Variants in ZNF483 observed in about 807,000 individuals in gnomAD.
The protein encoded by ZNF483 is zinc finger protein 483, also known as zinc finger protein HIT-10.
A neutral mutation model predicts 28.6 loss-of-function variants in ZNF483; 9 were observed. The observed-to-expected ratio is 0.32, with a 90% CI of 0.19 to 0.55. The LOEUF (loss-of-function observed/expected upper bound fraction) is 0.55. Ranked by LOEUF, ZNF483 falls within the 20% of genes least tolerant of loss-of-function variation. The pLI is 0.93. For missense variants in ZNF483, 675 were observed against 871.7 expected, an observed-to-expected ratio of 0.77 and a Z score of 2.84; for synonymous variants, 322 against 306.2, an observed-to-expected ratio of 1.05 and a Z score of -0.54.
At chr9:111,568,184 G>C (rs977363506) in intron 5 of ZNF483, among the ~76,000 whole-genome samples, 2 of 152,172 alleles carry the variant, frequency 1.3e-5, no homozygotes, top group Non-Finnish European at 2.9e-5. Flanking sequence ...TTGTTGCAGA[G>C]AGCCTATAAA....
chr9:111,541,088 C>CTT lies in ZNF483; in HGVS notation c.722-551_722-550dup, dbSNP rs747551274. ...GGATATAGGGACAATAAGTTTGAAC[C>CTT]TTTTTTTTTTTTTTTTTTTGAGACA... On this transcript the variant is annotated intron_variant, in intron 5 of 5. Coordinates refer to ENST00000309235, the MANE Select transcript of ZNF483 (RefSeq NM_133464.5). 1.8e-3 allele frequency among the ~76,000 whole-genome samples: 226 copies of CTT among 128,136 alleles called. 2 individuals are homozygous for CTT. The highest frequency in any genetic ancestry group is 4.6e-3 in the African/African-American group (157 of 33,776). 84.1% of individuals were successfully genotyped at this position (128,136 alleles called of 152,430 possible).
At position 111,542,150 on chromosome 9, in the gene ZNF483, T is replaced by A; in HGVS notation, c.1215T>A (p.Leu405=). 6.2e-7 allele frequency: 1 copy of A among 1,614,108 alleles called. No homozygotes were observed. The highest frequency in any genetic ancestry group is 8.5e-7 in the Non-Finnish European group (1 of 1,180,022). The change falls in exon 6 of 6, where the codon CTT becomes CTA. Residue 405 remains leucine, a synonymous_variant. Transcript: ENST00000309235. The surrounding 1 kb of genome is among the most constrained non-coding windows in gnomAD (Gnocchi z 6.2). ...CGIIFIRRST[L]SRRKTPMCEK... ...TAATCTTTATTAGAAGATCAACTCT[T>A]TCTAGGAGAAAAACCCCTATGTGTG...
At chr9:111,535,832 A>T (rs1827481014) in intron 5 of ZNF483, among the ~76,000 whole-genome samples, 1 of 151,802 alleles carries the variant, frequency 6.6e-6, no homozygotes, top group Non-Finnish European at 1.5e-5. Flanking sequence ...GGCATGAGCC[A>T]CCGTGCCCGG....
chr9:111,537,895 G>C (rs796877170), intron 5 of ZNF483, among the ~76,000 whole-genome samples: 1 of 152,154 alleles, frequency 6.6e-6, no homozygotes, highest in Non-Finnish European at 1.5e-5. Context: ...CCAAAGTGGT[G>C]GGATTATGGG....
rs143921386 is a variant in ZNF483, at chr9:111,540,547, G to A, written c.722-1110G>A. 3.6e-3 allele frequency among the ~76,000 whole-genome samples: 542 copies of A among 152,290 alleles called. 2 individuals are homozygous for A. The highest frequency in any genetic ancestry group is 0.013 in the African/African-American group (525 of 41,564). On this transcript the variant is annotated intron_variant, in intron 5 of 5. Coordinates refer to ENST00000309235, the MANE Select transcript of ZNF483 (RefSeq NM_133464.5). ...TTATGTTTGTGATAGTGAGGGTGCT[G>A]TGGGAATGCATTCTATGTAGTAGGA... is the stretch of plus-strand genomic sequence containing the variant.
rs111820702 is a variant in ZNF483 at position 111,544,348 on chromosome 9, ATG to A, written c.*1202_*1203del. The A allele has an allele frequency of 0.069, 65,777 of 948,822 alleles. 1,740 individuals carry two copies. Among genetic ancestry groups the A allele is most frequent in the East Asian group, 0.26 (2,234 of 8,544 alleles). 58.8% of individuals were successfully genotyped at this position (948,822 alleles called of 1,614,324 possible). On this transcript the variant is annotated 3_prime_UTR_variant, in exon 6 of 6. Coordinates refer to ENST00000309235, the MANE Select transcript of ZNF483 (RefSeq NM_133464.5). The stretch of plus-strand genomic sequence containing the variant: ...TAACAATTTGCTTGGGTGTGTGTGC[ATG>A]TGTGTGTGTGTGTGTGTGTGTGTAT...
chr9:111,559,590 ACACACACT>A (rs1047473549), downstream of ZNF483, among the ~76,000 whole-genome samples: 1 of 151,830 alleles, frequency 6.6e-6, no homozygotes, highest in Non-Finnish European at 1.5e-5. Context: ...GTGTCCACAC[ACACACACT>A]CACACACACA....
chr9:111,558,201 G>C (rs1205458033), downstream of ZNF483, among the ~76,000 whole-genome samples: 2 of 152,134 alleles, frequency 1.3e-5, no homozygotes, highest in African/African-American at 4.8e-5. Context: ...AGTGTATTCA[G>C]GTATTTGTCT....
intron 5 of ZNF483, among the ~76,000 whole-genome samples, chr9:111,566,429 G>A (rs1361250017): frequency 6.6e-6 from 1 of 152,214 alleles, no homozygotes; most frequent in Non-Finnish European, 1.5e-5. Context: ...CCAAGCTCCA[G>A]TGGCTGCTGG....
intron 3 of ZNF483, among the ~76,000 whole-genome samples, chr9:111,531,826 C>T (rs920249195): frequency 3.9e-5 from 6 of 152,296 alleles, no homozygotes; most frequent in South Asian, 2.1e-4. Context: ...GGACAACTGG[C>T]GCACGCCACT....
intron 2 of ZNF483, among the ~76,000 whole-genome samples, chr9:111,528,777 C>T (rs912449855): frequency 1.3e-5 from 2 of 152,158 alleles, no homozygotes; most frequent in African/African-American, 4.8e-5. Context: ...GGTTTCCTGA[C>T]TCCTCTGTGA....
At position 111,554,641 on chromosome 9, in the gene ZNF483, G is replaced by A. The variant is rs1017749742; in HGVS notation, c.*11471G>A. Among the ~76,000 whole-genome samples, 1 of 151,692 alleles carries A rather than the reference G, an allele frequency of 6.6e-6. No individual in the cohort carries two copies. Among genetic ancestry groups the A allele is most frequent in the African/African-American group, 2.4e-5 (1 of 41,230 alleles). ...TAGTGTAGATGACATGGATATGCTG[G>A]ACAAAGGGATAATTTGTGTCCTAGG... On this transcript the variant is annotated 3_prime_UTR_variant, in exon 6 of 6. Transcript: ENST00000309235.
Position 111,550,707 on chromosome 9 carries a change from TA to T in ZNF483, c.*7538del, listed in dbSNP as rs1827915856. Among the ~76,000 whole-genome samples the T allele has an allele frequency of 6.6e-6, 1 of 152,252 alleles. No homozygotes were observed. On this transcript the variant is annotated 3_prime_UTR_variant, in exon 6 of 6. Coordinates refer to ENST00000309235, the MANE Select transcript of ZNF483 (RefSeq NM_133464.5). The stretch of plus-strand genomic sequence containing the variant: ...GCTTTCTTGAAGATTTCTTCAACTT[TA>T]TCTTCCAGCTCTACTATTAAATGTT...
rs1457364862 is a variant in ZNF483 at position 111,561,110 on chromosome 9, T to TATATATATAGAG, written c.722-15254_722-15253insTATATATAGAGA. 2.6e-3 allele frequency among the ~76,000 whole-genome samples: 50 copies of TATATATATAGAG among 19,190 alleles called. 2 individuals carry two copies. Among genetic ancestry groups the TATATATATAGAG allele is most frequent in the Non-Finnish European group, 3.3e-3 (40 of 11,998 alleles). 12.6% of individuals were successfully genotyped at this position (19,190 alleles called of 152,430 possible). A position where few individuals can be genotyped will look rare whatever the true frequency, so the allele number is the denominator to read the frequency against. ...ATATATATATATATATATATATATA[T>TATATATATAGAG]AGAGAGAGAGAGAGAGAGAGAGAGA... On this transcript the variant is annotated intron_variant, in intron 5 of 5. Transcript: ENST00000358151.
downstream of ZNF483, among the ~76,000 whole-genome samples, chr9:111,559,077 C>T (rs897699080): frequency 5.9e-5 from 9 of 152,132 alleles, no homozygotes; most frequent in African/African-American, 2.2e-4. Flanking sequence ...TCATGCTGGG[C>T]CATGCTGCCA....
chr9:111,561,084 AATAT>A (rs368827456), intron 5 of ZNF483, among the ~76,000 whole-genome samples: 393 of 20,302 alleles, frequency 0.019, 25 homozygotes, highest in Middle Eastern at 0.062. Context: ...CTCCATCTAA[AATAT>A]ATATATATAT....
In ZNF483 at chr9:111,563,552, C is replaced by G. The variant is rs958716630; in HGVS notation, c.722-12813C>G. The G allele has an allele frequency of 5.1e-5, 9 of 175,676 alleles. No individual in the cohort carries two copies. In the South Asian group the frequency reaches 5.7e-4, roughly 11 times the overall value. 10.9% of individuals were successfully genotyped at this position (175,676 alleles called of 1,614,324 possible). On this transcript the variant is annotated intron_variant, in intron 5 of 5. Coordinates refer to the ZNF483 transcript ENST00000358151. ...ACAGAGTCTCGCTCTGTTGCCCAGGCTGGAGTGCAGTGCCGCGATCTTGGC... is the reference window on the plus strand; with the variant it reads ...ACAGAGTCTCGCTCTGTTGCCCAGGGTGGAGTGCAGTGCCGCGATCTTGGC...
At position 111,553,184 on chromosome 9, in the gene ZNF483, A is replaced by C. The variant is rs1287109315; in HGVS notation, c.*10014A>C. On this transcript the variant is annotated 3_prime_UTR_variant, in exon 6 of 6. Coordinates refer to ENST00000309235, the MANE Select transcript of ZNF483 (RefSeq NM_133464.5). ...AAGTATTATCTACTATGTATCTTTA[A>C]CACTTTTGAATAGAACAAACAGCTT... 1.3e-5 allele frequency among the ~76,000 whole-genome samples: 2 copies of C among 152,172 alleles called. No homozygotes were observed. The highest frequency in any genetic ancestry group is 2.9e-5 in the Non-Finnish European group (2 of 68,020).
rs977736156 is a variant in ZNF483, at chr9:111,543,836, T to C, written c.*666T>C. 1.1e-6 allele frequency: 1 copy of C among 949,230 alleles called. No individual in the cohort carries two copies. Among genetic ancestry groups the C allele is most frequent in the Non-Finnish European group, 1.3e-6 (1 of 797,402 alleles). The allele number at this position is 949,230 out of a possible 1,614,324, so 58.8% of individuals were successfully genotyped here. ...AGTCTCACTATGTTGCCCAGACTGG[T>C]CTTGAACTCCTGGGCTCAAGTGATC... On this transcript the variant is annotated 3_prime_UTR_variant, in exon 6 of 6. Coordinates refer to ENST00000309235, the MANE Select transcript of ZNF483 (RefSeq NM_133464.5).
Sources: gnomAD v4.1 joint callset for allele counts (sites outside exome capture counted in the v4.1 genomes callset) on GRCh38, gnomAD v4.1.1 for gene constraint, Gnocchi (gnomAD v3.1) non-coding constraint, MANE v1.5 for transcripts, NCBI Gene and HGNC (gene_info 2026-07-23, HGNC 2026-07-21) for gene names.